The following ODAD3 variants were observed in gnomAD, a reference collection of about 807,000 sequenced individuals.
The protein encoded by ODAD3 is outer dynein arm docking complex subunit 3.
ODAD3 carries 57 observed loss-of-function variants against 70.9 expected under a neutral mutation model. The observed-to-expected ratio is 0.80, with a 90% CI of 0.65 to 1.00. ODAD3 has a LOEUF of 1.00. Ranked by LOEUF, ODAD3 falls within the 50% of genes least tolerant of loss-of-function variation. The probability of loss-of-function intolerance (pLI) is 0.00; values close to 1 mark genes in which losing one functional copy is unlikely to be tolerated. For synonymous variants in ODAD3, 327 were observed against 315.9 expected (o/e 1.04, Z -0.37); for missense variants, 797 against 763.9 (o/e 1.04, Z -0.51).
chr19:11,421,190 C>T lies in ODAD3; in HGVS notation c.1613G>A (p.Arg538Lys), dbSNP rs767295924. 9 of 1,613,576 alleles carry T rather than the reference C, an allele frequency of 5.6e-6. No individual in the cohort carries two copies. The highest frequency in any genetic ancestry group is 6.8e-6 in the Non-Finnish European group (8 of 1,179,890). Reference protein sequence around the residue: ...NREFLASLEGRLPEYNTRIAL... With the variant: ...NREFLASLEGKLPEYNTRIAL... ...GATGCGGGTGTTGTATTCGGGCAGC[C>T]TTCCCTCTAAGCTGGCGAGGAACTA... The change falls in exon 12 of 13, where the codon AGG becomes AAG. Residue 538 changes from arginine to lysine, a missense_variant. Coordinates refer to ENST00000356392, the MANE Select transcript of ODAD3 (RefSeq NM_145045.5).
chr19:11,428,847 G>A (rs1207191522), intron 3 of ODAD3, among the ~76,000 whole-genome samples: 1 of 151,006 alleles, frequency 6.6e-6, no homozygotes, highest in African/African-American at 2.5e-5. Context: ...ACCATGCCTA[G>A]ACTGTGTTTT....
chr19:11,432,062 G>A lies in ODAD3; in HGVS notation c.245-1042C>T, dbSNP rs1404114431. On this transcript the variant is annotated intron_variant, in intron 1 of 12. Transcript: ENST00000356392. ...GGAGGTGGAGGTTGCATTGAGCTGA[G>A]ATCCTGCCACTGCACTCCAGCCTGG... Among the ~76,000 whole-genome samples the A allele has an allele frequency of 3.9e-5, 6 of 152,016 alleles. No homozygotes were observed. The East Asian group carries it at 9.7e-4, about 24-fold the overall frequency.
In ODAD3 at chr19:11,426,184, G is replaced by A. The variant is rs1460526849; in HGVS notation, c.923C>T (p.Ala308Val). ...ERYISECKKR[A>V]EEKKLENERM... The stretch of plus-strand genomic sequence containing the variant: ...CTCGTTCTCCAGTTTCTTCTCCTCG[G>A]CGCGCTTCTTGCACTCACTTATGTA... Residue 308 changes from alanine to valine, a missense_variant, in exon 7 of 13, where the codon GCC becomes GTC. By Grantham distance (64) the Ala-to-Val change is moderately conservative (BLOSUM62 0). Coordinates refer to ENST00000356392, the MANE Select transcript of ODAD3 (RefSeq NM_145045.5). 9.9e-6 allele frequency: 16 copies of A among 1,613,042 alleles called. No homozygotes were observed. Among genetic ancestry groups the A allele is most frequent in the Non-Finnish European group, 1.4e-5 (16 of 1,179,800 alleles).
At chr19:11,428,993 T>C (rs963544631) in intron 3 of ODAD3, among the ~76,000 whole-genome samples, 9 of 152,094 alleles carry the variant, frequency 5.9e-5, no homozygotes, top group East Asian at 5.8e-4. Flanking sequence ...TTCTCCTGCG[T>C]CAGCCTCCTG....
intron 6 of ODAD3, 70 bp downstream of exon 6, chr19:11,426,376 T>C: frequency 6.2e-7 from 1 of 1,610,582 alleles, no homozygotes; most frequent in Non-Finnish European, 8.5e-7. Context: ...CAGGGACAGC[T>C]GAGGTCAGAT....
Position 11,420,873 on chromosome 19 carries a change from C to G in ODAD3, c.1750G>C (p.Glu584Gln). 1.2e-6 allele frequency: 2 copies of G among 1,613,896 alleles called. No homozygotes were observed. Among genetic ancestry groups the G allele is most frequent in the Non-Finnish European group, 1.7e-6 (2 of 1,179,968 alleles). ...SLKIRSQKLIESHKKHRRSRR... is the reference protein window; with the variant it reads ...SLKIRSQKLIQSHKKHRRSRR... Reference sequence around the variant, plus strand: ...GAGCGACGGTGCTTCTTGTGACTTTCGATTAATTTCTGGGAACGGATCTTG... The same window carrying G: ...GAGCGACGGTGCTTCTTGTGACTTTGGATTAATTTCTGGGAACGGATCTTG... Residue 584 changes from glutamate (E) to glutamine (Q), a missense_variant, in exon 13 of 13, where the codon GAA becomes CAA. Coordinates refer to ENST00000356392, the MANE Select transcript of ODAD3 (RefSeq NM_145045.5).
rs745577732 is a variant in ODAD3 at position 11,430,963 on chromosome 19, T to G, written c.302A>C (p.Glu101Ala). The G allele has an allele frequency of 9.9e-6, 16 of 1,613,960 alleles. No homozygotes were observed. The South Asian group carries it at 1.8e-4, about 18-fold the overall frequency. The stretch of plus-strand genomic sequence containing the variant: ...CTCCTTGCGGAGCTGACTGATGGTC[T>G]CCTGGTTCTTCTTGATGTTCCACTG... ...SSQWNIKKNQ[E>A]TISQLRKETK... The change falls in exon 2 of 13, where the codon GAG becomes GCG. Residue 101 changes from glutamate (E) to alanine (A), a missense_variant. Physicochemically the swap from Glu to Ala is moderately radical, Grantham distance 107. Coordinates refer to ENST00000356392, the MANE Select transcript of ODAD3 (RefSeq NM_145045.5).
At chr19:11,434,568 C>T (rs766334062) in intron 1 of ODAD3, 13 of 427,132 alleles carry the variant, frequency 3.0e-5, no homozygotes, top group African/African-American at 2.0e-4. Context: ...AAATAAATTA[C>T]AAGAAAGTAT....
At chr19:11,435,538 C>A, upstream of ODAD3, 1 of 526,704 alleles carries the variant, frequency 1.9e-6, no homozygotes, top group Non-Finnish European at 3.2e-6. Flanking sequence ...TCTGGCACCG[C>A]CCCCACTCCT....
chr19:11,429,365 CCAT>C (rs1568353137), intron 3 of ODAD3, among the ~76,000 whole-genome samples: 1 of 151,974 alleles, frequency 6.6e-6, no homozygotes. Context: ...GCGCCCACCA[CCAT>C]GCCTGGCTAA....
At chr19:11,435,529 C>T, upstream of ODAD3, 2 of 488,276 alleles carry the variant, frequency 4.1e-6, no homozygotes, top group South Asian at 3.5e-5. Context: ...CGTCTCGGCT[C>T]TGGCACCGCC....
rs1177257345 is a variant in ODAD3, at chr19:11,425,633, GTA to G, written c.963+509_963+510del. The stretch of plus-strand genomic sequence containing the variant: ...TGTATATATGCATATATGCATATAT[GTA>G]TATATATGTATATACGTATATATAT... On this transcript the variant is annotated intron_variant, in intron 7 of 12. Transcript: ENST00000356392. Among the ~76,000 whole-genome samples the G allele has an allele frequency of 4.0e-4, 55 of 136,384 alleles. 3 individuals are homozygous for G. The highest frequency in any genetic ancestry group is 2.0e-3 in the Admixed American group (28 of 13,990). 89.5% of individuals were successfully genotyped at this position (136,384 alleles called of 152,430 possible).
chr19:11,430,689 G>A lies in ODAD3; in HGVS notation c.444+10C>T, dbSNP rs768312052. ...AAATGAAGGAGGAGGTGGGGCGAGG[G>A]TGGGCAAACCTGTCCTGTCCTGTTC... On this transcript the variant is annotated intron_variant, in intron 3 of 12. Transcript: ENST00000356392. 1.2e-6 allele frequency: 2 copies of A among 1,613,986 alleles called. No individual in the cohort carries two copies. The highest frequency in any genetic ancestry group is 1.7e-6 in the Non-Finnish European group (2 of 1,179,928).
Position 11,427,077 on chromosome 19 carries a change from C to A in ODAD3, c.445-37G>T. 2.6e-6 allele frequency: 4 copies of A among 1,518,490 alleles called. No individual in the cohort carries two copies. In the South Asian group the frequency reaches 4.9e-5, roughly 19 times the overall value. 94.1% of individuals were successfully genotyped at this position (1,518,490 alleles called of 1,614,324 possible). ...AGGGGAGCGAAAGCAGGAGCCTCAA[C>A]ACCCTACCCCGACACACACCTAGCC... On this transcript the variant is annotated intron_variant, in intron 3 of 12. Coordinates refer to ENST00000356392, the MANE Select transcript of ODAD3 (RefSeq NM_145045.5).
At position 11,422,995 on chromosome 19, in the gene ODAD3, TG is replaced by T. The variant is rs987461881; in HGVS notation, c.1117-135del. The stretch of plus-strand genomic sequence containing the variant: ...CTGGCGCCTTTTGCACAGCAATGTA[TG>T]GGGACACTGTGGGTTGGACGCAGGG... On this transcript the variant is annotated intron_variant, in intron 8 of 12. Transcript: ENST00000356392. The surrounding 1 kb of genome is among the most constrained non-coding windows in gnomAD (Gnocchi z 4.6). 20 of 949,526 alleles carry T rather than the reference TG, an allele frequency of 2.1e-5. No homozygotes were observed. The highest frequency in any genetic ancestry group is 3.1e-5 in the Non-Finnish European group (20 of 650,272). The allele number at this position is 949,526 out of a possible 1,614,324, so 58.8% of individuals were successfully genotyped here. A position where few individuals can be genotyped will look rare whatever the true frequency, so the allele number is the denominator to read the frequency against.
chr19:11,423,809 T>C, intron 8 of ODAD3, 68 bp downstream of exon 8: 1 of 1,430,294 alleles, frequency 7.0e-7, no homozygotes, highest in Non-Finnish European at 9.3e-7. Flanking sequence ...TTCACCGGCT[T>C]AGGCACCCCT....
At position 11,426,127 on chromosome 19, in the gene ODAD3, C is replaced by T. The variant is rs757454389; in HGVS notation, c.963+17G>A. The T allele has an allele frequency of 1.2e-6, 2 of 1,601,150 alleles. No homozygotes were observed. Among genetic ancestry groups the T allele is most frequent in the South Asian group, 1.1e-5 (1 of 90,406 alleles). On this transcript the variant is annotated intron_variant, in intron 7 of 12. Coordinates refer to ENST00000356392, the MANE Select transcript of ODAD3 (RefSeq NM_145045.5). ...GCTGGGCTGGAGTCACAGGCGCGCA[C>T]CCCTGGGTGCGCCCACCTTGCGCTC...
chr19:11,426,073 A>G (rs1969364198), intron 7 of ODAD3, 71 bp downstream of exon 7: 3 of 1,548,914 alleles, frequency 1.9e-6, no homozygotes, highest in Non-Finnish European at 8.7e-7. Flanking sequence ...AGGATGAGGG[A>G]GAGCCAGGGC....
In ODAD3 at chr19:11,420,909, G is replaced by A; in HGVS notation, c.1714C>T (p.Arg572Cys). ...TGGGAACGGATCTTGAGTGATGCGCGGGTCACTACCTCGTTGTCCTCCTCC... is the reference window on the plus strand; with the variant it reads ...TGGGAACGGATCTTGAGTGATGCGCAGGTCACTACCTCGTTGTCCTCCTCC... ...SEEEDNEVVT[R>C]ASLKIRSQKL... is the part of the protein sequence containing the mutation. Residue 572 changes from arginine (R) to cysteine (C), a missense_variant, in exon 13 of 13, where the codon CGC becomes TGC. Arg to Cys is a radical substitution (Grantham distance 180). Transcript: ENST00000356392. 6 of 1,613,914 alleles carry A rather than the reference G, an allele frequency of 3.7e-6. No homozygotes were observed. The highest frequency in any genetic ancestry group is 4.2e-6 in the Non-Finnish European group (5 of 1,179,964).
Sources: gnomAD v4.1 joint callset for allele counts (sites outside exome capture counted in the v4.1 genomes callset) on GRCh38, gnomAD v4.1.1 for gene constraint, Gnocchi (gnomAD v3.1) non-coding constraint, MANE v1.5 for transcripts, NCBI Gene and HGNC (gene_info 2026-07-23, HGNC 2026-07-21) for gene names.